Variants in DLGAP2 observed in about 807,000 individuals in gnomAD.
DLGAP2 encodes DLG associated protein 2, also known as disks large-associated protein 2.
In DLGAP2, 26 loss-of-function variants were observed where a neutral mutation model predicts 100.3. The ratio of observed to expected loss-of-function variants is 0.26; its 90% confidence interval spans 0.19 to 0.36. The LOEUF (loss-of-function observed/expected upper bound fraction) is 0.36, where lower values mean the gene tolerates loss of function less well. Among genes scored for constraint, DLGAP2 ranks in the 10% least tolerant of loss-of-function variants. The pLI is 1.00. For missense variants in DLGAP2, 1,858 were observed against 1,453.2 expected (o/e 1.28, Z -4.53); for synonymous variants, 886 against 630.1 (o/e 1.41, Z -6.08).
At position 916,414 on chromosome 8, in the gene DLGAP2, A is replaced by G. The variant is rs534738175; in HGVS notation, c.73+8448A>G. On this transcript the variant is annotated intron_variant, in intron 2 of 14. Coordinates refer to ENST00000637795, the MANE Select transcript of DLGAP2 (RefSeq NM_001346810.2). ...AAGCTGGAAACCATCATTCTCAGCA[A>G]CTATTGCAAGGACAAAAAACCAAAC... Among the ~76,000 whole-genome samples the G allele has an allele frequency of 3.3e-5, 5 of 152,334 alleles. No homozygotes were observed. In the South Asian group the frequency reaches 1.0e-3, roughly 32 times the overall value.
intron 2 of DLGAP2, among the ~76,000 whole-genome samples, chr8:1,122,764 T>C (rs1051859582): frequency 6.6e-6 from 1 of 152,136 alleles, no homozygotes. Flanking sequence ...TTTTTTCTTT[T>C]TTTTTTCTTT....
chr8:1,264,212 C>T (rs1020045166), intron 3 of DLGAP2, among the ~76,000 whole-genome samples: 2 of 152,112 alleles, frequency 1.3e-5, no homozygotes, highest in Non-Finnish European at 2.9e-5. Context: ...AGAAGGAATT[C>T]CAACCAGGGG....
chr8:927,667 T>A (rs1798847917), intron 2 of DLGAP2, among the ~76,000 whole-genome samples: 1 of 152,074 alleles, frequency 6.6e-6, no homozygotes, highest in Non-Finnish European at 1.5e-5. Context: ...TCGGCTGTCA[T>A]ACAAACGTGT....
chr8:1,267,619 AAGAT>A lies in DLGAP2; in HGVS notation c.106+8738_106+8741del, dbSNP rs1160972829. 2.9e-4 allele frequency among the ~76,000 whole-genome samples: 36 copies of A among 125,086 alleles called. 3 individuals carry two copies. The highest frequency in any genetic ancestry group is 6.9e-4 in the African/African-American group (19 of 27,428). The allele number at this position is 125,086 out of a possible 152,430, so 82.1% of individuals were successfully genotyped here. On this transcript the variant is annotated intron_variant, in intron 3 of 14. Coordinates refer to ENST00000637795, the MANE Select transcript of DLGAP2 (RefSeq NM_001346810.2). ...AAGATAAGATAAGATAAGATAAGAT[AAGAT>A]AAATATTAAATAGGTCTACAAAAAG...
chr8:1,503,748 G>A (rs1360787110), intron 4 of DLGAP2, among the ~76,000 whole-genome samples: 4 of 152,176 alleles, frequency 2.6e-5, no homozygotes, highest in Non-Finnish European at 5.9e-5. Flanking sequence ...GCCATGGGGT[G>A]GGGGTTGGCC....
At chr8:1,269,328 G>T (rs1048152220) in intron 3 of DLGAP2, among the ~76,000 whole-genome samples, 1 of 152,204 alleles carries the variant, frequency 6.6e-6, no homozygotes, top group Admixed American at 6.5e-5. Context: ...CTCCTGGTAC[G>T]GGGAGGATGG....
chr8:1,318,949 C>G (rs1384976529), intron 3 of DLGAP2, among the ~76,000 whole-genome samples: 1 of 152,072 alleles, frequency 6.6e-6, no homozygotes, highest in African/African-American at 2.4e-5. Context: ...ATGGTTTTTC[C>G]TCACCTGTGA....
At chr8:1,105,510 G>A (rs1447679872) in intron 2 of DLGAP2, among the ~76,000 whole-genome samples, 1 of 152,176 alleles carries the variant, frequency 6.6e-6, no homozygotes, top group Non-Finnish European at 1.5e-5. Context: ...TAGCCATGCT[G>A]AGCGGGGGTC....
chr8:1,574,447 C>A (rs2130615995), intron 6 of DLGAP2, among the ~76,000 whole-genome samples: 1 of 152,246 alleles, frequency 6.6e-6, no homozygotes, highest in South Asian at 2.1e-4. Flanking sequence ...CGGAAGTCAA[C>A]TCTAGGTCTC....
chr8:1,335,437 A>G (rs11989627), intron 3 of DLGAP2, among the ~76,000 whole-genome samples: 61,970 of 152,070 alleles, frequency 0.41, 14,690 homozygotes, highest in African/African-American at 0.66. Flanking sequence ...TGCTGTGTCC[A>G]GAGACCCAAA....
chr8:1,517,796 T>C (rs1800444879), intron 4 of DLGAP2, among the ~76,000 whole-genome samples: 1 of 152,186 alleles, frequency 6.6e-6, no homozygotes, highest in South Asian at 2.1e-4. Flanking sequence ...GGATTAGGGA[T>C]CACAAATGTG....
intron 1 of DLGAP2, among the ~76,000 whole-genome samples, chr8:796,797 C>T (rs7462381): frequency 0.23 from 34,406 of 152,138 alleles, 4,783 homozygotes; most frequent in Admixed American, 0.42. Flanking sequence ...AGCTACATCT[C>T]CACTGGCACC....
intron 4 of DLGAP2, among the ~76,000 whole-genome samples, chr8:1,531,235 C>CGCGT (rs1554491949): frequency 3.6e-5 from 5 of 140,130 alleles, no homozygotes; most frequent in Non-Finnish European, 7.6e-5. Context: ...TATTAGAGAG[C>CGCGT]GTGTGCGTGT....
Position 1,562,640 on chromosome 8 carries a change from C to T in DLGAP2, c.1231-3043C>T, listed in dbSNP as rs545142434. On this transcript the variant is annotated intron_variant, in intron 5 of 14. Transcript: ENST00000637795. Reference sequence around the variant, plus strand: ...GGACTGTGTGGTGTTGGGGTGTCCGCGCCTCGTTGCTGGGGGACTGTGTGG... The same window carrying T: ...GGACTGTGTGGTGTTGGGGTGTCCGTGCCTCGTTGCTGGGGGACTGTGTGG... Among the ~76,000 whole-genome samples the T allele has an allele frequency of 3.6e-3, 186 of 51,028 alleles. 4 individuals carry two copies. Among genetic ancestry groups the T allele is most frequent in the African/African-American group, 0.017 (169 of 9,800 alleles). 33.5% of individuals were successfully genotyped at this position (51,028 alleles called of 152,430 possible). A position where few individuals can be genotyped will look rare whatever the true frequency, so the allele number is the denominator to read the frequency against.
chr8:1,373,047 CTGT>C (rs1274751593), intron 3 of DLGAP2, among the ~76,000 whole-genome samples: 1 of 152,152 alleles, frequency 6.6e-6, no homozygotes, highest in Non-Finnish European at 1.5e-5. Flanking sequence ...CACGTTCCTC[CTGT>C]TGTTTCTTCT....
chr8:1,363,877 C>T (rs1021740233), intron 3 of DLGAP2, among the ~76,000 whole-genome samples: 1 of 152,140 alleles, frequency 6.6e-6, no homozygotes, highest in Non-Finnish European at 1.5e-5. Context: ...GAGGCCTCTT[C>T]TGACCACCTG....
At chr8:1,470,669 C>G (rs1248289083) in intron 3 of DLGAP2, among the ~76,000 whole-genome samples, 2 of 152,088 alleles carry the variant, frequency 1.3e-5, no homozygotes, top group Non-Finnish European at 2.9e-5. Flanking sequence ...CACAATCCTA[C>G]CATTTTAAGA....
intron 8 of DLGAP2, among the ~76,000 whole-genome samples, chr8:1,657,642 G>A (rs2130819737): frequency 6.6e-6 from 1 of 152,264 alleles, no homozygotes; most frequent in Admixed American, 6.5e-5. Flanking sequence ...CACAACAAAT[G>A]TTTGTCAAAA....
intron 2 of DLGAP2, among the ~76,000 whole-genome samples, chr8:975,866 A>G (rs2129013132): frequency 6.6e-6 from 1 of 152,372 alleles, no homozygotes; most frequent in East Asian, 1.9e-4. Flanking sequence ...GCAATGAGAC[A>G]GGAAAAGGAA....
Sources: allele counts gnomAD v4.1 joint callset (sites outside exome capture counted in the v4.1 genomes callset), GRCh38; gene constraint gnomAD v4.1.1; transcripts MANE v1.5; gene names NCBI Gene and HGNC (gene_info 2026-07-23, HGNC 2026-07-21).